Variants in TSC1 observed in about 807,000 individuals in gnomAD.
TSC1 encodes the protein hamartin.
Under a neutral mutation model 124.3 loss-of-function variants are expected in TSC1, and 20 were observed. That is an observed-to-expected ratio of 0.16 (90% CI 0.11 to 0.23). TSC1 has a LOEUF of 0.23. Among genes scored for constraint, TSC1 ranks in the 10% least tolerant of loss-of-function variants. The pLI, the probability that TSC1 is intolerant of heterozygous loss-of-function variation, is 1.00. For missense variants in TSC1, 1,124 were observed against 1,448.5 expected (o/e 0.78, Z 3.64); for synonymous variants, 493 against 539.1 (o/e 0.91, Z 1.19).
At position 132,913,904 on chromosome 9, in the gene TSC1, T is replaced by G. The variant is rs964337346; in HGVS notation, c.738-1447A>C. Among the ~76,000 whole-genome samples, 4 of 138,752 alleles carry G rather than the reference T, an allele frequency of 2.9e-5. No individual in the cohort carries two copies. The South Asian group carries it at 7.0e-4, about 24-fold the overall frequency. The allele number at this position is 138,752 out of a possible 152,430, so 91.0% of individuals were successfully genotyped here. On this transcript the variant is annotated intron_variant, in intron 8 of 22. Transcript: ENST00000298552. ...TTGTTTTGTTTTGTTTTTTTTTTTT[T>G]TTTTTTTTTTTTTAGACAGAGTCTC...
At chr9:132,934,438 C>G (rs1847355802) in intron 2 of TSC1, 1 of 152,192 alleles carries the variant, frequency 6.6e-6, no homozygotes, top group Non-Finnish European at 1.5e-5. Flanking sequence ...ACAGATATAG[C>G]CATGTTAAGA....
chr9:132,926,647 T>G, intron 4 of TSC1: 1 of 168,148 alleles, frequency 5.9e-6, no homozygotes, highest in Non-Finnish European at 1.3e-5. Flanking sequence ...CACTATACAA[T>G]TATAGTACTG....
chr9:132,925,894 C>A, intron 4 of TSC1, 155 bp from the exon 5 acceptor site: 1 of 1,010,564 alleles, frequency 9.9e-7, no homozygotes, highest in African/African-American at 1.6e-5. Context: ...TTTTAAAAAC[C>A]ACGTTAGCAA....
chr9:132,930,148 C>CCTGG (rs1227200082), intron 2 of TSC1, among the ~76,000 whole-genome samples: 2 of 152,270 alleles, frequency 1.3e-5, no homozygotes, highest in Non-Finnish European at 2.9e-5. Flanking sequence ...AAATGCAATA[C>CCTGG]CTGGGCCCCT....
At chr9:132,932,196 T>G (rs1021630240) in intron 2 of TSC1, among the ~76,000 whole-genome samples, 1 of 152,246 alleles carries the variant, frequency 6.6e-6, no homozygotes, top group African/African-American at 2.4e-5. Context: ...GTGCTGTAGA[T>G]GATGCTAGTC....
intron 1 of TSC1, chr9:132,939,337 A>G (rs1157558705): frequency 6.6e-6 from 1 of 152,228 alleles, no homozygotes; most frequent in Non-Finnish European, 1.5e-5. Flanking sequence ...AAAACAGCTG[A>G]TGGTAAAACC....
chr9:132,907,947 C>T (rs769099612), intron 12 of TSC1, among the ~76,000 whole-genome samples: 1 of 152,178 alleles, frequency 6.6e-6, no homozygotes, highest in Non-Finnish European at 1.5e-5. Flanking sequence ...AGTAGCCGGG[C>T]ATGGTGACTG....
In TSC1 at chr9:132,903,641, C is replaced by G. The variant is rs945077563; in HGVS notation, c.2208+10G>C. 1 of 1,612,090 alleles carries G rather than the reference C, an allele frequency of 6.2e-7. No homozygotes were observed. Among genetic ancestry groups the G allele is most frequent in the East Asian group, 2.2e-5 (1 of 44,894 alleles). ...AAGCAAGCTCCACCTGTCCCCTCCC[C>G]AGTCCTCACCATGGCAGCATTATGT... is the stretch of plus-strand genomic sequence containing the variant. On this transcript the variant is annotated intron_variant, in intron 17 of 22. Coordinates refer to ENST00000298552, the MANE Select transcript of TSC1 (RefSeq NM_000368.5). This position sits in a 1 kb window ranked among gnomAD's most constrained non-coding sequence, Gnocchi z 5.9.
Position 132,897,479 on chromosome 9 carries a change from T to A in TSC1, c.2757A>T (p.Lys919Asn). 6.2e-7 allele frequency: 1 copy of A among 1,614,192 alleles called. No individual in the cohort carries two copies. Among genetic ancestry groups the A allele is most frequent in the East Asian group, 2.2e-5 (1 of 44,888 alleles). ...ILELESHLAK[K>N]DHLLLEQKKY... ...TCTTCTGTTCCAAAAGAAGGTGGTCTTTCTTGGCCAGGTGAGATTCCAGTT... is the reference window on the plus strand; with the variant it reads ...TCTTCTGTTCCAAAAGAAGGTGGTCATTCTTGGCCAGGTGAGATTCCAGTT... Residue 919 changes from lysine to asparagine, a missense_variant, in exon 21 of 23, where the codon AAA becomes AAT. By Grantham distance (94) the Lys-to-Asn change is moderately conservative. This residue lies in a region of TSC1 where 325 missense variants were observed against 383.4 expected (regional missense o/e 0.85). Coordinates refer to ENST00000298552, the MANE Select transcript of TSC1 (RefSeq NM_000368.5).
chr9:132,934,923 A>T, intron 2 of TSC1, 110 bp downstream of exon 2: 1 of 397,818 alleles, frequency 2.5e-6, no homozygotes, highest in Non-Finnish European at 4.4e-6. Context: ...TAGATGGTCC[A>T]GTTCCTGGCA....
Position 132,896,695 on chromosome 9 carries a change from G to C in TSC1, c.3035C>G (p.Ser1012Cys), listed in dbSNP as rs1845085132. ...GGTCTTGGTCTCACCGTTGTGGCCA[G>C]ATGCCTCTTCATTGTGCCCTACCAT... ...DSMVGHNEEA[S>C]GHNGETKTPR... The change falls in exon 23 of 23, where the codon TCT becomes TGT. Residue 1012 changes from serine (S) to cysteine (C), a missense_variant. Physicochemically the swap from Ser to Cys is moderately radical, Grantham distance 112 (BLOSUM62 -1). Around this residue, in one of 5 missense-constraint regions of TSC1, gnomAD observed 325 missense variants for 383.4 expected, o/e 0.85. Coordinates refer to ENST00000298552, the MANE Select transcript of TSC1 (RefSeq NM_000368.5). This position sits in a 1 kb window ranked among gnomAD's most constrained non-coding sequence, Gnocchi z 4.5. The C allele has an allele frequency of 6.2e-7, 1 of 1,614,044 alleles. No individual in the cohort carries two copies. Among genetic ancestry groups the C allele is most frequent in the East Asian group, 2.2e-5 (1 of 44,880 alleles).
rs2131610988 is a variant in TSC1 at position 132,896,649 on chromosome 9, C to T, written c.3081G>A (p.Arg1027=). ...CACCACCTCTGCTTCCACTACTGCC[C>T]CGGGCGCTGCTGGGCCTGGGGGTCT... The part of the protein sequence containing the change: ...ETKTPRPSSA[R]GSSGSRGGGG... Residue 1027 remains arginine, a synonymous_variant, in exon 23 of 23, where the codon CGG becomes CGA. Transcript: ENST00000298552. The surrounding 1 kb of genome is among the most constrained non-coding windows in gnomAD (Gnocchi z 4.5). The T allele has an allele frequency of 6.2e-7, 1 of 1,614,032 alleles. No homozygotes were observed. The highest frequency in any genetic ancestry group is 8.5e-7 in the Non-Finnish European group (1 of 1,179,972).
chr9:132,927,117 A>G (rs996667158), intron 4 of TSC1, 84 bp downstream of exon 4: 3 of 1,308,636 alleles, frequency 2.3e-6, no homozygotes, highest in Admixed American at 1.9e-5. Flanking sequence ...GAATAAGCTC[A>G]GGACAAGTTG....
rs189852768 is a variant in TSC1 at position 132,893,607 on chromosome 9, C to G, written c.*2628G>C. On this transcript the variant is annotated 3_prime_UTR_variant, in exon 23 of 23. Transcript: ENST00000298552. ...GACTTCGGGCTCCTCGGGGCCTGTG[C>G]TGACTCTGGTTAGTGTCAGGTGGGG... is the stretch of plus-strand genomic sequence containing the variant. The G allele has an allele frequency of 2.1e-4, 48 of 233,200 alleles. No homozygotes were observed. Among genetic ancestry groups the G allele is most frequent in the Admixed American group, 5.6e-4 (10 of 17,808 alleles). 14.4% of individuals were successfully genotyped at this position (233,200 alleles called of 1,614,324 possible). A position where few individuals can be genotyped will look rare whatever the true frequency, so the allele number is the denominator to read the frequency against.
chr9:132,911,028 G>A lies in TSC1; in HGVS notation c.1115C>T (p.Pro372Leu). The A allele has an allele frequency of 6.2e-7, 1 of 1,614,174 alleles. No homozygotes were observed. Among genetic ancestry groups the A allele is most frequent in the South Asian group, 1.1e-5 (1 of 91,086 alleles). ...PGNVPPDLSH[P>L]YSKVFGTTAG... The stretch of plus-strand genomic sequence containing the variant: ...AGTTGTACCAAAGACTTTACTGTAA[G>A]GGTGTGACAGATCAGGTGGGACATT... Residue 372 changes from proline (P) to leucine (L), a missense_variant, in exon 11 of 23, where the codon CCT (proline) becomes CTT (leucine). By Grantham distance (98) the Pro-to-Leu change is moderately conservative. Around this residue, in one of 5 missense-constraint regions of TSC1, gnomAD observed 463 missense variants for 606.8 expected, o/e 0.76. Transcript: ENST00000298552.
At chr9:132,937,454 CATAA>C (rs927991261) in intron 1 of TSC1, among the ~76,000 whole-genome samples, 66 of 152,266 alleles carry the variant, frequency 4.3e-4, no homozygotes, top group African/African-American at 1.4e-3. Context: ...AAAATAAATA[CATAA>C]ATAAATAAAG....
chr9:132,938,779 C>G (rs1847593518), intron 1 of TSC1, among the ~76,000 whole-genome samples: 1 of 152,068 alleles, frequency 6.6e-6, no homozygotes, highest in African/African-American at 2.4e-5. Flanking sequence ...TGGCAGATAC[C>G]TAAGATGTCT....
intron 1 of TSC1, among the ~76,000 whole-genome samples, chr9:132,935,584 G>A (rs539532495): frequency 1.1e-4 from 16 of 152,346 alleles, no homozygotes; most frequent in South Asian, 2.1e-4. Context: ...GGGGCACACC[G>A]AAGTTACTGG....
At chr9:132,912,794 T>C in intron 8 of TSC1, 1 of 323,034 alleles carries the variant, frequency 3.1e-6, no homozygotes, top group South Asian at 2.9e-5. Context: ...GGAACAAAGG[T>C]CATCAAAAAA....
Sources: allele counts gnomAD v4.1 joint callset (sites outside exome capture counted in the v4.1 genomes callset), GRCh38; gene constraint gnomAD v4.1.1; regional missense constraint gnomAD v4.1.1; non-coding constraint Gnocchi (gnomAD v3.1); transcripts MANE v1.5; gene names NCBI Gene and HGNC (gene_info 2026-07-23, HGNC 2026-07-21).